FAM50A: variants seen among roughly 807,000 people sequenced by gnomAD.
FAM50A encodes protein FAM50A.
In FAM50A, 6 loss-of-function variants were observed where a neutral mutation model predicts 35.5. The ratio of observed to expected loss-of-function variants is 0.17; its 90% CI spans 0.09 to 0.33. The LOEUF is 0.33. Ranked by LOEUF, FAM50A falls within the 10% of genes least tolerant of loss-of-function variation. The pLI is 1.00. For synonymous variants in FAM50A, 120 were observed against 110.9 expected (o/e 1.08, Z -0.52); for missense variants, 145 against 295.5 (o/e 0.49, Z 3.73).
chrX:154,450,568 G>A lies in FAM50A; in HGVS notation c.*136G>A, dbSNP rs956185338. 1 of 578,120 alleles carries A rather than the reference G, an allele frequency of 1.7e-6. No homozygotes were observed. 47.6% of individuals were successfully genotyped at this position (578,120 alleles called of 1,213,427 possible). ...GGAGGACGGCAGCTGCTCGTGTCCTGCCCCTGCCACATCAGTGACTGCTTT... is the reference window on the plus strand; with the variant it reads ...GGAGGACGGCAGCTGCTCGTGTCCTACCCCTGCCACATCAGTGACTGCTTT... On this transcript the variant is annotated 3_prime_UTR_variant, in exon 13 of 13. Coordinates refer to ENST00000393600, the MANE Select transcript of FAM50A (RefSeq NM_004699.4).
chrX:154,449,261 C>T lies in FAM50A; in HGVS notation c.689C>T (p.Ala230Val), dbSNP rs1488897646. ...ACCATGCAGCAGTTCCTGCAGAAGG[C>T]GCTCGAGATCCTTCGGAAAGACTTC... is the stretch of plus-strand genomic sequence containing the variant. The part of the protein sequence containing the change: ...GNTMQQFLQK[A>V]LEILRKDFSE... The change falls in exon 8 of 13, where the codon GCG (alanine) becomes GTG (valine). Residue 230 changes from alanine to valine, a missense_variant. Coordinates refer to ENST00000393600, the MANE Select transcript of FAM50A (RefSeq NM_004699.4). 16 of 1,209,416 alleles carry T rather than the reference C, an allele frequency of 1.3e-5. No individual in the cohort carries two copies. Among genetic ancestry groups the T allele is most frequent in the Non-Finnish European group, 1.7e-5 (15 of 893,646 alleles).
chrX:154,449,929 G>C lies in FAM50A; in HGVS notation c.827G>C (p.Ser276Thr). 8.3e-7 allele frequency: 1 copy of C among 1,211,685 alleles called. No individual in the cohort carries two copies. Among genetic ancestry groups the C allele is most frequent in the Non-Finnish European group, 1.1e-6 (1 of 895,232 alleles). Residue 276 changes from serine (S) to threonine (T), a missense_variant and splice_region_variant, in exon 10 of 13, where the codon AGT (serine) becomes ACT (threonine). This residue lies in a region of FAM50A where 59 missense variants were observed against 164.5 expected (regional missense o/e 0.36). Transcript: ENST00000393600. ...ATCGTCACCAAGGCACGGGGGAAGA[G>C]TGGTGAGTGCCGCCGACCCAGCCGC... ...DFIVTKARGKSGPLFNFDVHD... is the reference protein window; with the variant it reads ...DFIVTKARGKTGPLFNFDVHD...
At chrX:154,449,824 G>A in intron 9 of FAM50A, 59 bp from the exon 10 acceptor site, 2 of 1,191,715 alleles carry the variant, frequency 1.7e-6, no homozygotes, top group Non-Finnish European at 2.3e-6. Flanking sequence ...CAGGCGGGGG[G>A]TGTGGGGAGG....
At position 154,444,321 on chromosome X, in the gene FAM50A, A is replaced by G; in HGVS notation, c.86A>G (p.Glu29Gly). Reference protein sequence around the residue: ...KKREKQREQMEQMKQRIAEEN... With the variant: ...KKREKQREQMGQMKQRIAEEN... ...CGGGAGAAGCAGCGCGAGCAGATGG[A>G]GCAGATGAAGCAGCGCATCGCGGAG... is the stretch of plus-strand genomic sequence containing the variant. Residue 29 changes from glutamate to glycine, a missense_variant, in exon 1 of 13, where the codon GAG becomes GGG. Coordinates refer to ENST00000393600, the MANE Select transcript of FAM50A (RefSeq NM_004699.4). 9.0e-7 allele frequency: 1 copy of G among 1,114,233 alleles called. No homozygotes were observed. Among genetic ancestry groups the G allele is most frequent in the Admixed American group, 2.9e-5 (1 of 34,910 alleles). The allele number at this position is 1,114,233 out of a possible 1,213,427, so 91.8% of individuals were successfully genotyped here.
At chrX:154,448,795 C>T (rs782678640) in intron 6 of FAM50A, 39 bp downstream of exon 6, 2 of 1,199,508 alleles carry the variant, frequency 1.7e-6, no homozygotes, top group Non-Finnish European at 2.3e-6. Flanking sequence ...GGCCTGGGCC[C>T]AAGCCAGCTT....
At position 154,450,244 on chromosome X, in the gene FAM50A, C is replaced by T. The variant is rs782284284; in HGVS notation, c.936C>T (p.Tyr312=). 64 of 1,209,212 alleles carry T rather than the reference C, an allele frequency of 5.3e-5. No individual in the cohort carries two copies. In the South Asian group the frequency reaches 5.5e-4, roughly 10 times the overall value. ...GCAAGGTGGTGCTGAGGAGCTGGTA[C>T]GAGAAGAACAAGCACATCTTTCCCG... ...HAGKVVLRSW[Y]EKNKHIFPAS... Residue 312 remains tyrosine, a synonymous_variant, in exon 12 of 13, where the codon TAC becomes TAT. Coordinates refer to ENST00000393600, the MANE Select transcript of FAM50A (RefSeq NM_004699.4).
chrX:154,446,905 C>T (rs1160931390), intron 4 of FAM50A, among the ~76,000 whole-genome samples: 1 of 112,631 alleles, frequency 8.9e-6, no homozygotes, highest in Non-Finnish European at 1.9e-5. Context: ...TCAGACACTG[C>T]AGGTCTCAGC....
Position 154,446,500 on chromosome X carries a change from G to A in FAM50A, c.382G>A (p.Glu128Lys), listed in dbSNP as rs782456795. Residue 128 changes from glutamate to lysine, a missense_variant, in exon 4 of 13, where the codon GAA becomes AAA. Around this residue, in one of 5 missense-constraint regions of FAM50A, gnomAD observed 32 missense variants for 22.9 expected, o/e 1.40. Transcript: ENST00000393600. ...SSLSFTLEEE[E>K]EGGEEEEEAA... ...CCTGTCCTTCACCCTGGAGGAGGAAGAAGAGGGAGGCGAGGAGGAAGAGGA... is the reference window on the plus strand; with the variant it reads ...CCTGTCCTTCACCCTGGAGGAGGAAAAAGAGGGAGGCGAGGAGGAAGAGGA... 2.2e-5 allele frequency: 26 copies of A among 1,201,497 alleles called. No homozygotes were observed. The highest frequency in any genetic ancestry group is 2.8e-5 in the Non-Finnish European group (25 of 888,490).
Position 154,446,422 on chromosome X carries a change from G to A in FAM50A, c.304G>A (p.Glu102Lys). ...EQSKELQMKLEKLREKERKKE... is the reference protein window; with the variant it reads ...EQSKELQMKLKKLREKERKKE... ...CCACCTGCACCTCACTAGGAAGCTG[G>A]AGAAGCTTCGAGAGAAGGAGCGTAA... is the stretch of plus-strand genomic sequence containing the variant. Residue 102 changes from glutamate (E) to lysine (K), a missense_variant, in exon 4 of 13, where the codon GAG (glutamate) becomes AAG (lysine). Physicochemically the swap from Glu to Lys is moderately conservative, Grantham distance 56 (BLOSUM62 1). Transcript: ENST00000393600. 1 of 1,209,863 alleles carries A rather than the reference G, an allele frequency of 8.3e-7. No individual in the cohort carries two copies.
intron 8 of FAM50A, 142 bp downstream of exon 8, chrX:154,449,439 G>T (rs1029977623): frequency 1.3e-5 from 7 of 544,120 alleles, no homozygotes; most frequent in Non-Finnish European, 1.9e-5. Flanking sequence ...AGGGGGTCAG[G>T]CTCCTCTTCC....
chrX:154,446,288 C>A, intron 3 of FAM50A, 127 bp from the exon 4 acceptor site: 1 of 598,067 alleles, frequency 1.7e-6, no homozygotes. Context: ...CCGTCTGGGG[C>A]AATGGGGACC....
At position 154,448,951 on chromosome X, in the gene FAM50A, C is replaced by T; in HGVS notation, c.645C>T (p.Val215=). The T allele has an allele frequency of 1.7e-6, 2 of 1,207,643 alleles. No individual in the cohort carries two copies. The highest frequency in any genetic ancestry group is 3.5e-5 in the African/African-American group (2 of 57,818). ...YWDGSGHRRT[V]KMRKGNTMQQ... is the part of the protein sequence containing the mutation. Reference sequence around the variant, plus strand: ...ATGGCTCTGGGCACCGGCGGACAGTCAAGGTAGGCAGCGTGCAGCCTGCTT... The same window carrying T: ...ATGGCTCTGGGCACCGGCGGACAGTTAAGGTAGGCAGCGTGCAGCCTGCTT... The change falls in exon 7 of 13, where the codon GTC becomes GTT. Residue 215 remains valine, a synonymous_variant. Coordinates refer to ENST00000393600, the MANE Select transcript of FAM50A (RefSeq NM_004699.4).
intron 4 of FAM50A, 29 bp downstream of exon 4, chrX:154,446,589 C>A (rs1324296852): frequency 1.8e-6 from 2 of 1,118,205 alleles, no homozygotes; most frequent in Admixed American, 6.1e-5. Flanking sequence ...CGGAGCCCCG[C>A]CCGCAGCCCC....
At chrX:154,448,153 C>T (rs782734319) in intron 4 of FAM50A, among the ~76,000 whole-genome samples, 12 of 103,781 alleles carry the variant, frequency 1.2e-4, no homozygotes, top group Non-Finnish European at 1.6e-4. Flanking sequence ...ACTGCAGCCC[C>T]GACCTCGCAG....
chrX:154,447,858 G>A (rs1378498257), intron 4 of FAM50A, among the ~76,000 whole-genome samples: 2 of 109,991 alleles, frequency 1.8e-5, no homozygotes, highest in Non-Finnish European at 3.8e-5. Flanking sequence ...AGCTACTGGC[G>A]TGGACAGTGC....
chrX:154,449,546 C>G, intron 8 of FAM50A, 135 bp from the exon 9 acceptor site: 1 of 571,642 alleles, frequency 1.7e-6, no homozygotes, highest in East Asian at 3.6e-5. Flanking sequence ...GCTCACTAAA[C>G]CATGGAGCTT....
intron 8 of FAM50A, 65 bp downstream of exon 8, chrX:154,449,362 A>G: frequency 1.1e-6 from 1 of 945,795 alleles, no homozygotes; most frequent in Non-Finnish European, 1.5e-6. Context: ...TGGGTGCCAG[A>G]CACCCAGTGT....
At chrX:154,446,648 G>C in intron 4 of FAM50A, 88 bp downstream of exon 4, 1 of 1,089,584 alleles carries the variant, frequency 9.2e-7, no homozygotes, top group Non-Finnish European at 1.2e-6. Flanking sequence ...CTGATGCCCT[G>C]TCAAGATGGC....
Position 154,446,570 on chromosome X carries a change from GGCTTGAGTCGGAGCCCCGCCCGCA to G in FAM50A, c.442+13_442+36del. On this transcript the variant is annotated intron_variant, in intron 4 of 12. Transcript: ENST00000393600. The stretch of plus-strand genomic sequence containing the variant: ...GAGATGGAAAGGGAAGGTGAGGGCT[GGCTTGAGTCGGAGCCCCGCCCGCA>G]GCCCCTGGGGAGGGGTCCCCAATGT... 8.8e-7 allele frequency: 1 copy of G among 1,139,574 alleles called. No individual in the cohort carries two copies. The allele number at this position is 1,139,574 out of a possible 1,213,427, so 93.9% of individuals were successfully genotyped here. A position where few individuals can be genotyped will look rare whatever the true frequency, so the allele number is the denominator to read the frequency against.
Sources: gnomAD v4.1 joint callset for allele counts (sites outside exome capture counted in the v4.1 genomes callset) on GRCh38, gnomAD v4.1.1 for gene constraint, gnomAD v4.1.1 regional missense constraint, MANE v1.5 for transcripts, NCBI Gene and HGNC (gene_info 2026-07-23, HGNC 2026-07-21) for gene names.